DTNA: variants seen among roughly 807,000 people sequenced by gnomAD.
DTNA encodes dystrophin-related protein 3.
DTNA carries 43 observed loss-of-function variants against 100.7 expected under a neutral mutation model. The observed-to-expected ratio is 0.43, with a 90% CI of 0.33 to 0.55. The LOEUF is 0.55. Ranked by LOEUF, DTNA falls within the 20% of genes least tolerant of loss-of-function variation. The pLI is 0.04. For missense variants in DTNA, 798 were observed against 953.9 expected (o/e 0.84, Z 2.15); for synonymous variants, 349 against 347.9 (o/e 1.00, Z -0.04).
At chr18:34,807,184 G>A (rs776930917) in intron 5 of DTNA, among the ~76,000 whole-genome samples, 3 of 152,100 alleles carry the variant, frequency 2.0e-5, no homozygotes, top group Non-Finnish European at 2.9e-5. Context: ...TGTTGATGCC[G>A]CTGTTTAAAT....
chr18:34,505,345 C>T (rs1165763188), intron 1 of DTNA, among the ~76,000 whole-genome samples: 4 of 152,192 alleles, frequency 2.6e-5, no homozygotes, highest in Admixed American at 2.0e-4. Context: ...TTAGGAGCCA[C>T]CTGGATAGTG....
chr18:34,574,614 G>C, intron 1 of DTNA: 1 of 152,172 alleles, frequency 6.6e-6, no homozygotes, highest in East Asian at 1.9e-4. Context: ...GAAGCCAACA[G>C]AAATACCTGT....
chr18:34,871,552 C>T (rs1333260754), intron 17 of DTNA, among the ~76,000 whole-genome samples: 4 of 152,182 alleles, frequency 2.6e-5, no homozygotes, highest in Non-Finnish European at 4.4e-5. Context: ...AGAGATTATT[C>T]ACTCTAACTC....
chr18:34,801,850 C>A (rs1159149711), intron 4 of DTNA, among the ~76,000 whole-genome samples: 2 of 152,296 alleles, frequency 1.3e-5, no homozygotes, highest in Middle Eastern at 3.4e-3. Flanking sequence ...AATATTAATT[C>A]TTTAAGCTTT....
At chr18:34,516,394 C>G (rs2041619794) in intron 1 of DTNA, among the ~76,000 whole-genome samples, 1 of 152,070 alleles carries the variant, frequency 6.6e-6, no homozygotes. Flanking sequence ...GATGAAGTTT[C>G]ATGTCCCACT....
chr18:34,496,107 A>T (rs2039165877), intron 1 of DTNA, among the ~76,000 whole-genome samples: 1 of 152,228 alleles, frequency 6.6e-6, no homozygotes, highest in African/African-American at 2.4e-5. Context: ...CATTATAAGT[A>T]AAAAGAGAGT....
intron 11 of DTNA, among the ~76,000 whole-genome samples, chr18:34,836,418 C>T (rs957061884): frequency 2.6e-5 from 4 of 151,950 alleles, no homozygotes; most frequent in Non-Finnish European, 5.9e-5. Context: ...TTTGGGAGGC[C>T]GAGGGGGGCA....
chr18:34,575,790 A>G (rs2048058302), intron 1 of DTNA, among the ~76,000 whole-genome samples: 1 of 152,174 alleles, frequency 6.6e-6, no homozygotes, highest in Admixed American at 6.5e-5. Context: ...CCATCATGCC[A>G]TCTTCTTCTG....
At chr18:34,576,316 T>A (rs1006927734) in intron 1 of DTNA, among the ~76,000 whole-genome samples, 8 of 152,086 alleles carry the variant, frequency 5.3e-5, no homozygotes, top group Non-Finnish European at 8.8e-5. Flanking sequence ...AATATCCCAC[T>A]CAGATCCCAA....
chr18:34,863,386 C>G (rs2096654392), intron 16 of DTNA, among the ~76,000 whole-genome samples: 1 of 152,162 alleles, frequency 6.6e-6, no homozygotes, highest in South Asian at 2.1e-4. Context: ...TGTAGAAATG[C>G]CTTTATTTTG....
intron 3 of DTNA, among the ~76,000 whole-genome samples, chr18:34,779,540 T>C (rs910037612): frequency 2.0e-5 from 3 of 152,376 alleles, no homozygotes; most frequent in East Asian, 1.9e-4. Context: ...AGGCCCTTTC[T>C]AAAGTCTTTG....
intron 1 of DTNA, among the ~76,000 whole-genome samples, chr18:34,718,431 G>A (rs1225246164): frequency 1.3e-5 from 2 of 152,090 alleles, no homozygotes; most frequent in Admixed American, 6.6e-5. Context: ...AAAAGCAATC[G>A]TCTGTTGAAT....
intron 1 of DTNA, among the ~76,000 whole-genome samples, chr18:34,720,393 G>A (rs2085032234): frequency 6.6e-6 from 1 of 152,218 alleles, no homozygotes; most frequent in Non-Finnish European, 1.5e-5. Flanking sequence ...GGCAATGAAA[G>A]AACAATGCCT....
chr18:34,725,647 G>A (rs1395321955), intron 1 of DTNA, among the ~76,000 whole-genome samples: 16 of 152,206 alleles, frequency 1.1e-4, no homozygotes, highest in Admixed American at 1.0e-3. Flanking sequence ...TACACTGTTG[G>A]TGGGACTGTA....
At chr18:34,552,512 A>C in intron 1 of DTNA, among the ~76,000 whole-genome samples, 1 of 141,102 alleles carries the variant, frequency 7.1e-6, no homozygotes, top group African/African-American at 2.6e-5. Context: ...ATATCTCCCA[A>C]TGCTATCCCT....
At chr18:34,865,631 A>G (rs1489979329) in intron 17 of DTNA, among the ~76,000 whole-genome samples, 1 of 152,208 alleles carries the variant, frequency 6.6e-6, no homozygotes, top group Non-Finnish European at 1.5e-5. Context: ...TGTTAATCTC[A>G]TTTGATAACC....
chr18:34,837,507 T>C (rs2096176073), intron 11 of DTNA, among the ~76,000 whole-genome samples: 3 of 152,194 alleles, frequency 2.0e-5, no homozygotes, highest in Non-Finnish European at 4.4e-5. Context: ...TTCACTAGCT[T>C]TGTATTAATA....
upstream of DTNA, among the ~76,000 whole-genome samples, chr18:34,708,618 A>T (rs540505649): frequency 3.9e-5 from 6 of 152,340 alleles, no homozygotes; most frequent in Middle Eastern, 3.4e-3. Flanking sequence ...CTCTTTGCCT[A>T]AAAAGGTCTC....
chr18:34,879,243 A>C (rs1357903794), intron 19 of DTNA, among the ~76,000 whole-genome samples: 5 of 152,198 alleles, frequency 3.3e-5, no homozygotes, highest in Non-Finnish European at 1.5e-5. Context: ...CAAAAGTAAC[A>C]ATTTTAGTTA....
Sources: gnomAD v4.1 joint callset for allele counts (sites outside exome capture counted in the v4.1 genomes callset) on GRCh38, gnomAD v4.1.1 for gene constraint, MANE v1.5 for transcripts, NCBI Gene and HGNC (gene_info 2026-07-23, HGNC 2026-07-21) for gene names.